KASH5: variants seen among roughly 807,000 people sequenced by gnomAD.
The protein encoded by KASH5 is KASH domain containing 5, also known as protein KASH5.
KASH5 carries 72 observed loss-of-function variants against 84.2 expected under a neutral mutation model. The observed-to-expected ratio is 0.85, with a 90% CI of 0.71 to 1.04. The LOEUF is 1.04. Ranked by LOEUF, KASH5 falls within the 50% of genes least tolerant of loss-of-function variation. The pLI, the probability that KASH5 is intolerant of heterozygous loss-of-function variation, is 0.00. For synonymous variants in KASH5, 260 were observed against 279.1 expected (o/e 0.93, Z 0.68); for missense variants, 650 against 701.0 (o/e 0.93, Z 0.82).
chr19:49,388,813 C>T (rs1374888619), intron 1 of KASH5, among the ~76,000 whole-genome samples: 4 of 152,086 alleles, frequency 2.6e-5, no homozygotes, highest in African/African-American at 7.2e-5. Flanking sequence ...TCAGACTTCT[C>T]CCTCAGAGCC....
intron 2 of KASH5, among the ~76,000 whole-genome samples, chr19:49,391,434 T>C (rs1288875639): frequency 6.6e-6 from 1 of 152,180 alleles, no homozygotes; most frequent in Non-Finnish European, 1.5e-5. Context: ...ATTTATTATT[T>C]TTTAAAAGAA....
intron 15 of KASH5, among the ~76,000 whole-genome samples, chr19:49,410,797 T>A (rs918387011): frequency 4.6e-5 from 7 of 151,666 alleles, no homozygotes; most frequent in Non-Finnish European, 8.8e-5. Flanking sequence ...CTTTTTAAAA[T>A]TTTTTTATAG....
chr19:49,402,756 A>G (rs531474255), intron 9 of KASH5, among the ~76,000 whole-genome samples: 2 of 152,282 alleles, frequency 1.3e-5, no homozygotes, highest in East Asian at 1.9e-4. Context: ...CCCTGGCAGA[A>G]CTTCCTGCCT....
Position 49,399,593 on chromosome 19 carries a change from A to G in KASH5, c.798+86A>G. The G allele has an allele frequency of 6.4e-7, 1 of 1,550,448 alleles. No homozygotes were observed. The highest frequency in any genetic ancestry group is 8.7e-7 in the Non-Finnish European group (1 of 1,146,612). On this transcript the variant is annotated intron_variant, in intron 9 of 19. Transcript: ENST00000447857. This position sits in a 1 kb window ranked among gnomAD's most constrained non-coding sequence, Gnocchi z 4.4. ...CACTCCCTTCTGCCCCCAACACCCC[A>G]GCAGCCTGTCTTGGGGAGACCTCAG...
intron 9 of KASH5, among the ~76,000 whole-genome samples, chr19:49,405,630 C>T (rs1043073753): frequency 5.3e-5 from 8 of 151,872 alleles, no homozygotes; most frequent in South Asian, 2.1e-4. Context: ...TAATATGATG[C>T]CTGCAATTTG....
intron 2 of KASH5, among the ~76,000 whole-genome samples, chr19:49,393,187 C>G (rs888967294): frequency 1.3e-5 from 2 of 152,110 alleles, no homozygotes; most frequent in African/African-American, 4.8e-5. Flanking sequence ...ATAATAGCAT[C>G]GATTATTATT....
At chr19:49,405,406 G>A (rs908235614) in intron 9 of KASH5, among the ~76,000 whole-genome samples, 4 of 146,648 alleles carry the variant, frequency 2.7e-5, no homozygotes, top group Non-Finnish European at 4.5e-5. Context: ...GCAGTGAGCC[G>A]AGATCACGCC....
intron 16 of KASH5, 38 bp downstream of exon 16, chr19:49,413,064 C>G (rs750439472): frequency 6.3e-7 from 1 of 1,593,490 alleles, no homozygotes; most frequent in East Asian, 2.2e-5. Context: ...CAGGGTGACA[C>G]CTTATTCACA....
rs749049248 is a variant in KASH5, at chr19:49,407,689, G to A, written c.993+18G>A. ...CGACGCAGGTAACTCAGCGGCCCTC[G>A]CCACCCACCGCGGCCCTCGCCACTT... On this transcript the variant is annotated intron_variant, in intron 12 of 19. Coordinates refer to ENST00000447857, the MANE Select transcript of KASH5 (RefSeq NM_144688.5). 88 of 1,589,530 alleles carry A rather than the reference G, an allele frequency of 5.5e-5. No individual in the cohort carries two copies. In the Admixed American group the frequency reaches 7.4e-4, roughly 13 times the overall value.
chr19:49,404,251 G>T (rs1974456380), intron 9 of KASH5, among the ~76,000 whole-genome samples: 1 of 152,172 alleles, frequency 6.6e-6, no homozygotes, highest in African/African-American at 2.4e-5. Flanking sequence ...GCCAAGAGGA[G>T]GGGCGTGGTG....
rs369594929 is a variant in KASH5 at position 49,398,018 on chromosome 19, C to A, written c.504C>A (p.Asp168Glu). ...CTGACCTGCTGAGCAGCCTGGAGGA[C>A]CTGGAGCTCAGCAACCGACGTCTGG... is the stretch of plus-strand genomic sequence containing the variant. The part of the protein sequence containing the change: ...ATADLLSSLE[D>E]LELSNRRLVG... The change falls in exon 7 of 20, where the codon GAC becomes GAA. Residue 168 changes from aspartate to glutamate, a missense_variant. Asp to Glu is a conservative substitution (Grantham distance 45, BLOSUM62 2). Coordinates refer to ENST00000447857, the MANE Select transcript of KASH5 (RefSeq NM_144688.5). 1.9e-6 allele frequency: 3 copies of A among 1,613,948 alleles called. No homozygotes were observed. The highest frequency in any genetic ancestry group is 1.7e-6 in the Non-Finnish European group (2 of 1,179,868).
At chr19:49,396,243 CTT>C (rs869199643) in intron 5 of KASH5, among the ~76,000 whole-genome samples, 3 of 35,880 alleles carry the variant, frequency 8.4e-5, no homozygotes, top group Non-Finnish European at 1.6e-4. Context: ...CCCTGCTGGA[CTT>C]TTTTTTTTTT....
rs1415804657 is a variant in KASH5 at position 49,399,042 on chromosome 19, A to G, written c.647A>G (p.Gln216Arg). Reference protein sequence around the residue: ...KQLHSTQQALQFAKAMDEELE... With the variant: ...KQLHSTQQALRFAKAMDEELE... ...GCATTCAGCACCCAGCAGGCCCTGCAGTTTGCCAAGGCCATGGATGAGGAG... is the reference window on the plus strand; with the variant it reads ...GCATTCAGCACCCAGCAGGCCCTGCGGTTTGCCAAGGCCATGGATGAGGAG... Residue 216 changes from glutamine (Q) to arginine (R), a missense_variant, in exon 8 of 20, where the codon CAG becomes CGG. Physicochemically the swap from Gln to Arg is conservative, Grantham distance 43. Coordinates refer to ENST00000447857, the MANE Select transcript of KASH5 (RefSeq NM_144688.5). The surrounding 1 kb of genome is among the most constrained non-coding windows in gnomAD (Gnocchi z 4.4). The G allele has an allele frequency of 1.3e-6, 2 of 1,551,244 alleles. No individual in the cohort carries two copies. The highest frequency in any genetic ancestry group is 2.0e-5 in the Admixed American group (1 of 50,884).
At chr19:49,397,242 C>T (rs1013429327) in intron 5 of KASH5, among the ~76,000 whole-genome samples, 1 of 151,842 alleles carries the variant, frequency 6.6e-6, no homozygotes, top group African/African-American at 2.4e-5. Flanking sequence ...GAGGAGAAAG[C>T]AAGGGCCGGG....
In KASH5 at chr19:49,399,614, C is replaced by G. The variant is rs774041897; in HGVS notation, c.798+107C>G. 2.6e-6 allele frequency: 4 copies of G among 1,544,934 alleles called. No individual in the cohort carries two copies. Among genetic ancestry groups the G allele is most frequent in the Non-Finnish European group, 2.6e-6 (3 of 1,143,156 alleles). On this transcript the variant is annotated intron_variant, in intron 9 of 19. Transcript: ENST00000447857. This position sits in a 1 kb window ranked among gnomAD's most constrained non-coding sequence, Gnocchi z 4.4. ...CCCCAGCAGCCTGTCTTGGGGAGAC[C>G]TCAGAATGTCAGTAGTGTGGGAATG...
At position 49,399,203 on chromosome 19, in the gene KASH5, C is replaced by A. The variant is rs1052253225; in HGVS notation, c.747+61C>A. 3.5e-6 allele frequency: 5 copies of A among 1,408,884 alleles called. No individual in the cohort carries two copies. Among genetic ancestry groups the A allele is most frequent in the Non-Finnish European group, 3.9e-6 (4 of 1,035,084 alleles). The allele number at this position is 1,408,884 out of a possible 1,614,324, so 87.3% of individuals were successfully genotyped here. A position where few individuals can be genotyped will look rare whatever the true frequency, so the allele number is the denominator to read the frequency against. Reference sequence around the variant, plus strand: ...TCTTCTTTGTTTCCTGGAGTCAGGGCGGCAGAGTGTGACTATGGAGTAGGA... The same window carrying A: ...TCTTCTTTGTTTCCTGGAGTCAGGGAGGCAGAGTGTGACTATGGAGTAGGA... On this transcript the variant is annotated intron_variant, in intron 8 of 19. Coordinates refer to ENST00000447857, the MANE Select transcript of KASH5 (RefSeq NM_144688.5). This position sits in a 1 kb window ranked among gnomAD's most constrained non-coding sequence, Gnocchi z 4.4.
chr19:49,390,247 A>T (rs1973958461), intron 1 of KASH5: 1 of 152,450 alleles, frequency 6.6e-6, no homozygotes, highest in Admixed American at 6.5e-5. Context: ...CCGAAGCAGG[A>T]TGCAGGAGGG....
chr19:49,390,883 C>CT lies in KASH5; in HGVS notation c.-1_1insT, dbSNP rs756465206. 1.3e-6 allele frequency: 2 copies of CT among 1,598,476 alleles called. No homozygotes were observed. The highest frequency in any genetic ancestry group is 2.7e-5 in the African/African-American group (2 of 73,686). On this transcript the variant is annotated 5_prime_UTR_variant, in exon 2 of 20. Coordinates refer to ENST00000447857, the MANE Select transcript of KASH5 (RefSeq NM_144688.5). ...CAGCTGCGCCGCGGCAGGGGTGGCC[C>CT]ATGGACCTGCCCGAGGGCCCGGTGG...
chr19:49,409,797 G>A lies in KASH5; in HGVS notation c.1191G>A (p.Gly397=), dbSNP rs1205502334. The A allele has an allele frequency of 6.2e-7, 1 of 1,613,964 alleles. No homozygotes were observed. Among genetic ancestry groups the A allele is most frequent in the African/African-American group, 1.3e-5 (1 of 75,040 alleles). The change falls in exon 15 of 20, where the codon GGG becomes GGA. Residue 397 remains glycine (G), a synonymous_variant. Coordinates refer to ENST00000447857, the MANE Select transcript of KASH5 (RefSeq NM_144688.5). ...CTGATCTCTCCAACCCTCTGTGTGG[G>A]GTGTGGCAGTGGGAGGAAGTCATCC... ...ATADLSNPLC[G]VWQWEEVIHE... is the part of the protein sequence containing the mutation.
Sources: allele counts gnomAD v4.1 joint callset (sites outside exome capture counted in the v4.1 genomes callset), GRCh38; gene constraint gnomAD v4.1.1; non-coding constraint Gnocchi (gnomAD v3.1); transcripts MANE v1.5; gene names NCBI Gene and HGNC (gene_info 2026-07-23, HGNC 2026-07-21).